ABAT: variants seen among roughly 807,000 people sequenced by gnomAD.
ABAT encodes 4-aminobutyrate aminotransferase, mitochondrial.
Under a neutral mutation model 64.6 loss-of-function variants are expected in ABAT, and 45 were observed. The observed-to-expected ratio is 0.70, with a 90% CI of 0.55 to 0.89. The LOEUF is 0.89. ABAT is among the 40% of genes least tolerant of loss of function. The pLI, the probability that ABAT is intolerant of heterozygous loss-of-function variation, is 0.00. For synonymous variants in ABAT, 297 were observed against 250.5 expected (o/e 1.19, Z -1.75); for missense variants, 633 against 658.4 (o/e 0.96, Z 0.42).
At chr16:8,736,231 C>A in intron 2 of ABAT, 1 of 61,290 alleles carries the variant, frequency 1.6e-5, no homozygotes, top group Non-Finnish European at 2.8e-5. Context: ...CCACTGGGTC[C>A]CTCCCATGAC....
chr16:8,740,595 A>C (rs1211572551), intron 2 of ABAT, among the ~76,000 whole-genome samples: 2 of 152,188 alleles, frequency 1.3e-5, no homozygotes, highest in African/African-American at 2.4e-5. Flanking sequence ...AGCCATACCC[A>C]CAGCATTTTC....
chr16:8,708,456 G>C (rs1314741454), intron 1 of ABAT, among the ~76,000 whole-genome samples: 1 of 151,922 alleles, frequency 6.6e-6, no homozygotes, highest in African/African-American at 2.4e-5. Context: ...GTGGTGGGGT[G>C]GTGGGGGGCG....
intron 1 of ABAT, among the ~76,000 whole-genome samples, chr16:8,678,008 CATG>C (rs751751400): frequency 1.1e-4 from 17 of 152,002 alleles, no homozygotes; most frequent in Admixed American, 2.6e-4. Context: ...TGCAGTGAGC[CATG>C]ATCACACCAC....
At chr16:8,718,552 A>G (rs189980835) in intron 1 of ABAT, among the ~76,000 whole-genome samples, 93 of 152,266 alleles carry the variant, frequency 6.1e-4, no homozygotes, top group African/African-American at 2.0e-3. Flanking sequence ...TTGAGCACCT[A>G]CAATAGCCAG....
Position 8,735,752 on chromosome 16 carries a change from T to C in ABAT, c.13T>C (p.Leu5=), listed in dbSNP as rs2058905642. 23 of 1,605,998 alleles carry C rather than the reference T, an allele frequency of 1.4e-5. No homozygotes were observed. The highest frequency in any genetic ancestry group is 2.0e-5 in the Non-Finnish European group (23 of 1,176,408). Residue 5 remains leucine, a synonymous_variant, in exon 2 of 16, where the codon TTG becomes CTG. Transcript: ENST00000268251. ...CCCTCAAGGGGTCATGGCCTCCATG[T>C]TGCTCGCCCAGCGCCTGGCCTGCAG... MASM[L]LAQRLACSFQ...
chr16:8,687,213 G>A (rs73497646), intron 1 of ABAT, among the ~76,000 whole-genome samples: 3 of 152,146 alleles, frequency 2.0e-5, no homozygotes, highest in African/African-American at 7.2e-5. Flanking sequence ...CACGGAGCAG[G>A]TGCTAGTCTT....
At position 8,764,657 on chromosome 16, in the gene ABAT, G is replaced by A. The variant is rs780918871; in HGVS notation, c.448-81G>A. The A allele has an allele frequency of 4.5e-5, 61 of 1,347,960 alleles. No individual in the cohort carries two copies. The highest frequency in any genetic ancestry group is 3.0e-4 in the East Asian group (13 of 43,494). The allele number at this position is 1,347,960 out of a possible 1,614,324, so 83.5% of individuals were successfully genotyped here. A position where few individuals can be genotyped will look rare whatever the true frequency, so the allele number is the denominator to read the frequency against. Reference sequence around the variant, plus strand: ...TGTCTGTCCCCGGTACGGCCCCTGCGAAGATTCAGCTCCAGCCAGGGGAAG... The same window carrying A: ...TGTCTGTCCCCGGTACGGCCCCTGCAAAGATTCAGCTCCAGCCAGGGGAAG... On this transcript the variant is annotated intron_variant, in intron 7 of 15. Transcript: ENST00000268251. This position sits in a 1 kb window ranked among gnomAD's most constrained non-coding sequence, Gnocchi z 4.2.
At chr16:8,738,541 C>T (rs1426219854) in intron 2 of ABAT, 1 of 431,934 alleles carries the variant, frequency 2.3e-6, no homozygotes, top group Non-Finnish European at 4.6e-6. Flanking sequence ...TTCTTCTCGA[C>T]CTGGGTGGTT....
At chr16:8,756,786 T>C (rs749684851) in intron 5 of ABAT, among the ~76,000 whole-genome samples, 1 of 152,224 alleles carries the variant, frequency 6.6e-6, no homozygotes, top group Admixed American at 6.5e-5. Context: ...TGCTTTCAAG[T>C]CTTGAGATAT....
chr16:8,745,689 C>A (rs113929354), intron 2 of ABAT, among the ~76,000 whole-genome samples: 4,073 of 152,004 alleles, frequency 0.027, 171 homozygotes, highest in African/African-American at 0.092. Context: ...TAGAGCAAGA[C>A]TCTGTCTCAA....
At chr16:8,738,586 T>A (rs574513067) in intron 2 of ABAT, 9 of 389,224 alleles carry the variant, frequency 2.3e-5, no homozygotes, top group African/African-American at 1.5e-4. Flanking sequence ...AGGTTTTGCT[T>A]TTCCTTTTTT....
intron 2 of ABAT, chr16:8,738,598 TTTTTTGTTTTTGTTTTTG>T (rs757851425): frequency 1.6e-5 from 6 of 377,620 alleles, no homozygotes; most frequent in Admixed American, 3.8e-5. Context: ...TCCTTTTTTC[TTTTTTGTTTTTGTTTTTG>T]TTTTTGTTTT....
intron 9 of ABAT, among the ~76,000 whole-genome samples, 171 bp downstream of exon 9, chr16:8,766,441 G>C (rs1230957760): frequency 6.6e-6 from 1 of 152,162 alleles, no homozygotes; most frequent in Non-Finnish European, 1.5e-5. Flanking sequence ...GATCACCCAA[G>C]GTCAGGAGTT....
intron 1 of ABAT, chr16:8,712,882 C>G (rs2058108662): frequency 6.6e-6 from 1 of 152,266 alleles, no homozygotes; most frequent in Admixed American, 6.5e-5. Flanking sequence ...TTCTGGGTGC[C>G]TCCACCCCCT....
intron 6 of ABAT, among the ~76,000 whole-genome samples, chr16:8,759,847 T>C (rs1467507278): frequency 6.6e-6 from 1 of 152,198 alleles, no homozygotes; most frequent in Non-Finnish European, 1.5e-5. Context: ...CCCAGTTGTA[T>C]TTCTCCAGTT....
At chr16:8,707,353 A>ATTTTT (rs386384172) in intron 1 of ABAT, among the ~76,000 whole-genome samples, 8 of 123,940 alleles carry the variant, frequency 6.5e-5, no homozygotes, top group South Asian at 5.6e-4. Flanking sequence ...TGCCAGGGTA[A>ATTTTT]TTTTTTTTTT....
rs192736880 is a variant in ABAT, at chr16:8,778,728, G to C, written c.1270-751G>C. Among the ~76,000 whole-genome samples the C allele has an allele frequency of 4.9e-3, 734 of 150,600 alleles. 7 individuals carry two copies. The highest frequency in any genetic ancestry group is 0.017 in the African/African-American group (708 of 40,918). On this transcript the variant is annotated intron_variant, in intron 14 of 15. Transcript: ENST00000268251. ...GGAGGCAGAGGATGCAGTGAGCCGA[G>C]ATAGTGCCACTGCACTCCAGCCAGG... is the stretch of plus-strand genomic sequence containing the variant.
At chr16:8,749,446 T>C (rs2059418956) in intron 4 of ABAT, among the ~76,000 whole-genome samples, 1 of 120,432 alleles carries the variant, frequency 8.3e-6, no homozygotes, top group Non-Finnish European at 1.6e-5. Context: ...TCTCCCAGGC[T>C]GGTGTGCAGT....
chr16:8,687,094 G>T (rs921719377), intron 1 of ABAT, among the ~76,000 whole-genome samples: 8 of 152,156 alleles, frequency 5.3e-5, no homozygotes, highest in African/African-American at 1.9e-4. Context: ...CCCTTGAGAG[G>T]AAGAGATGGT....
Sources: allele counts gnomAD v4.1 joint callset (sites outside exome capture counted in the v4.1 genomes callset), GRCh38; gene constraint gnomAD v4.1.1; non-coding constraint Gnocchi (gnomAD v3.1); transcripts MANE v1.5; gene names NCBI Gene and HGNC (gene_info 2026-07-23, HGNC 2026-07-21).